The following AHI1 variants were observed in gnomAD, a reference collection of about 807,000 sequenced individuals.
AHI1 encodes jouberin.
AHI1 carries 123 observed loss-of-function variants against 149.3 expected under a neutral mutation model. The observed-to-expected ratio is 0.82, with a 90% CI of 0.71 to 0.96. The LOEUF (loss-of-function observed/expected upper bound fraction) is 0.96. Ranked by LOEUF, AHI1 falls within the 40% of genes least tolerant of loss-of-function variation. The pLI is 0.00. For missense variants in AHI1, 1,439 were observed against 1,422.7 expected, an observed-to-expected ratio of 1.01 and a Z score of -0.18; for synonymous variants, 475 against 459.8, an observed-to-expected ratio of 1.03 and a Z score of -0.42.
chr6:135,352,712 T>TATAC (rs1554289086), intron 24 of AHI1, among the ~76,000 whole-genome samples: 2,502 of 145,468 alleles, frequency 0.017, 27 homozygotes, highest in South Asian at 0.027. Context: ...TATATATATA[T>TATAC]ACACACACAC....
Position 135,455,639 on chromosome 6 carries a change from T to G in AHI1, c.1344+95A>C, listed in dbSNP as rs1374854172. ...AGATTAAATTCTCACACAACTTTTT[T>G]TTTTGCCTTACTGGACTACTAAAAA... On this transcript the variant is annotated intron_variant, in intron 10 of 28. Transcript: ENST00000265602. The G allele has an allele frequency of 4.1e-6, 4 of 970,060 alleles. No homozygotes were observed. The East Asian group carries it at 1.2e-4, about 29-fold the overall frequency. 60.1% of individuals were successfully genotyped at this position (970,060 alleles called of 1,614,324 possible). A position where few individuals can be genotyped will look rare whatever the true frequency, so the allele number is the denominator to read the frequency against.
At chr6:135,394,696 C>G in intron 23 of AHI1, 80 bp downstream of exon 23, 1 of 1,554,568 alleles carries the variant, frequency 6.4e-7, no homozygotes, top group East Asian at 2.3e-5. Context: ...AGCTTTATTT[C>G]TAAAGAAATA....
chr6:135,312,758 A>G (rs1389327497), intron 26 of AHI1, among the ~76,000 whole-genome samples: 1 of 152,182 alleles, frequency 6.6e-6, no homozygotes, highest in Non-Finnish European at 1.5e-5. Flanking sequence ...AACTTCTTAT[A>G]GCTTCCCGGA....
chr6:135,400,627 C>T (rs1258066666), intron 22 of AHI1, among the ~76,000 whole-genome samples: 1 of 152,036 alleles, frequency 6.6e-6, no homozygotes, highest in African/African-American at 2.4e-5. Context: ...AATCTAATGT[C>T]AAAAAGAAAA....
chr6:135,425,017 T>A (rs1395641324), intron 20 of AHI1, among the ~76,000 whole-genome samples: 1 of 151,982 alleles, frequency 6.6e-6, no homozygotes, highest in Non-Finnish European at 1.5e-5. Context: ...TTCTTATGGA[T>A]CTATACCATT....
intron 13 of AHI1, among the ~76,000 whole-genome samples, chr6:135,446,618 T>C (rs375078881): frequency 6.6e-6 from 1 of 152,076 alleles, no homozygotes; most frequent in African/African-American, 2.4e-5. Context: ...TGTGAGAATA[T>C]AGTGAAGAGG....
chr6:135,430,223 A>G (rs1784459537), intron 17 of AHI1, among the ~76,000 whole-genome samples: 1 of 151,984 alleles, frequency 6.6e-6, no homozygotes, highest in African/African-American at 2.4e-5. Context: ...ACATTTAATT[A>G]GTATGTGTTT....
At chr6:135,416,477 T>C (rs930834271) in intron 20 of AHI1, among the ~76,000 whole-genome samples, 1 of 151,990 alleles carries the variant, frequency 6.6e-6, no homozygotes, top group South Asian at 2.1e-4. Context: ...TTGAAAAAGA[T>C]ATAACAGTAT....
chr6:135,384,495 T>C (rs1347704743), intron 23 of AHI1, among the ~76,000 whole-genome samples: 14 of 152,192 alleles, frequency 9.2e-5, no homozygotes, highest in Admixed American at 9.2e-4. Context: ...TCCGGCTAAG[T>C]GCTACCAGAA....
chr6:135,371,946 A>C (rs890492811), intron 23 of AHI1, among the ~76,000 whole-genome samples: 2 of 152,228 alleles, frequency 1.3e-5, no homozygotes, highest in African/African-American at 4.8e-5. Flanking sequence ...AGAAGCTATA[A>C]ATCCCCTTGG....
intron 22 of AHI1, among the ~76,000 whole-genome samples, chr6:135,400,337 G>A (rs940485452): frequency 6.6e-6 from 1 of 151,844 alleles, no homozygotes; most frequent in Admixed American, 6.6e-5. Flanking sequence ...AATATGTTCC[G>A]AGGTGGATTC....
chr6:135,315,932 T>C (rs1785880714), intron 26 of AHI1, among the ~76,000 whole-genome samples: 1 of 152,194 alleles, frequency 6.6e-6, no homozygotes, highest in African/African-American at 2.4e-5. Flanking sequence ...CTAAGCTCCA[T>C]CCTGTTGACA....
At chr6:135,289,964 A>T (rs2128339185) in intron 28 of AHI1, among the ~76,000 whole-genome samples, 1 of 146,892 alleles carries the variant, frequency 6.8e-6, no homozygotes, top group East Asian at 2.0e-4. Flanking sequence ...AAAGTGGCCC[A>T]CTCTTGAGCT....
rs776579906 is a variant in AHI1 at position 135,467,636 on chromosome 6, T to C, written c.136-2A>G. On this transcript the variant is annotated splice_acceptor_variant, in intron 5 of 28. Coordinates refer to ENST00000265602, the MANE Select transcript of AHI1 (RefSeq NM_001134831.2). LOFTEE classifies it high-confidence loss of function. ...AAGATTGCTTCTAATAGTGTCAGGCTAAAAAGGAAGACATAATAAAGTTTC... is the reference window on the plus strand; with the variant it reads ...AAGATTGCTTCTAATAGTGTCAGGCCAAAAAGGAAGACATAATAAAGTTTC... 99 of 1,599,274 alleles carry C rather than the reference T, an allele frequency of 6.2e-5. No homozygotes were observed. Among genetic ancestry groups the C allele is most frequent in the Non-Finnish European group, 3.3e-5 (39 of 1,170,658 alleles).
At chr6:135,391,495 T>G (rs184699491) in intron 23 of AHI1, among the ~76,000 whole-genome samples, 19 of 152,234 alleles carry the variant, frequency 1.2e-4, no homozygotes, top group African/African-American at 4.6e-4. Flanking sequence ...ACAGTAATGC[T>G]CCCAGCTCTA....
In AHI1 at chr6:135,353,281, T is replaced by C. The variant is rs148207793; in HGVS notation, c.3165+4851A>G. 3.5e-3 allele frequency among the ~76,000 whole-genome samples: 540 copies of C among 152,182 alleles called. 1 individual carries two copies. The highest frequency in any genetic ancestry group is 0.013 in the African/African-American group (520 of 41,486). Reference sequence around the variant, plus strand: ...AAACAAGTTCTTTTATGACAAGTTATAAAAGCTTATAGTTTATCAGTTCCC... The same window carrying C: ...AAACAAGTTCTTTTATGACAAGTTACAAAAGCTTATAGTTTATCAGTTCCC... On this transcript the variant is annotated intron_variant, in intron 24 of 28. Coordinates refer to ENST00000265602, the MANE Select transcript of AHI1 (RefSeq NM_001134831.2).
rs143268840 is a variant in AHI1, at chr6:135,366,673, T to C, written c.3110-8486A>G. Among the ~76,000 whole-genome samples the C allele has an allele frequency of 2.5e-3, 382 of 152,338 alleles. 5 individuals are homozygous for C. The highest frequency in any genetic ancestry group is 8.4e-3 in the African/African-American group (350 of 41,578). On this transcript the variant is annotated intron_variant, in intron 23 of 28. Transcript: ENST00000265602. Reference sequence around the variant, plus strand: ...TAATTGAGCTTATTTGGATCTTCTCTCTTCTTTTCTTGGTTAATCTCACTA... The same window carrying C: ...TAATTGAGCTTATTTGGATCTTCTCCCTTCTTTTCTTGGTTAATCTCACTA...
At chr6:135,286,548 A>G (rs1036369682) in intron 28 of AHI1, 1 of 152,262 alleles carries the variant, frequency 6.6e-6, no homozygotes, top group Non-Finnish European at 1.5e-5. Flanking sequence ...CAGCTGGCAC[A>G]CTGTGGCAAG....
chr6:135,488,621 T>C (rs1477354074), intron 5 of AHI1, among the ~76,000 whole-genome samples: 2 of 152,198 alleles, frequency 1.3e-5, no homozygotes, highest in African/African-American at 4.8e-5. Flanking sequence ...ACATGAGATT[T>C]AGAAATAATA....
Sources: gnomAD v4.1 joint callset for allele counts (sites outside exome capture counted in the v4.1 genomes callset) on GRCh38, gnomAD v4.1.1 for gene constraint, MANE v1.5 for transcripts, NCBI Gene and HGNC (gene_info 2026-07-23, HGNC 2026-07-21) for gene names.